TMEM18: variants seen among roughly 807,000 people sequenced by gnomAD.
The protein encoded by TMEM18 is transmembrane protein 18.
In TMEM18, 14 loss-of-function variants were observed where a neutral mutation model predicts 17.4. The ratio of observed to expected loss-of-function variants is 0.80; its 90% CI spans 0.53 to 1.25. The LOEUF is 1.25. TMEM18 is among the 50% of genes most tolerant of loss of function. The probability of loss-of-function intolerance (pLI) is 0.00; values close to 1 mark genes in which losing one functional copy is unlikely to be tolerated. For synonymous variants in TMEM18, 86 were observed against 66.1 expected, an observed-to-expected ratio of 1.30 and a Z score of -1.46; for missense variants, 187 against 172.1, an observed-to-expected ratio of 1.09 and a Z score of -0.48.
At position 667,423 on chromosome 2, in the gene TMEM18, C is replaced by A. The variant is rs1342945776; in HGVS notation, c.*2157G>T. ...TGTGAAAAATAATTTTGATCCCAAA[C>A]CTCCTTTCCTGTACTTTATCAGTAG... On this transcript the variant is annotated 3_prime_UTR_variant, in exon 5 of 5. Coordinates refer to ENST00000281017, the MANE Select transcript of TMEM18 (RefSeq NM_152834.4). 1 of 152,118 alleles carries A rather than the reference C, an allele frequency of 6.6e-6. No individual in the cohort carries two copies. Among genetic ancestry groups the A allele is most frequent in the East Asian group, 1.9e-4 (1 of 5,198 alleles). 9.4% of individuals were successfully genotyped at this position (152,118 alleles called of 1,614,324 possible). A position where few individuals can be genotyped will look rare whatever the true frequency, so the allele number is the denominator to read the frequency against.
intron 1 of TMEM18, chr2:676,029 G>A (rs1475006684): frequency 1.3e-5 from 17 of 1,311,222 alleles, no homozygotes; most frequent in Non-Finnish European, 1.7e-5. Flanking sequence ...AAATTAAGAC[G>A]ATTGCTCAAA....
intron 1 of TMEM18, chr2:676,231 T>C: frequency 7.1e-7 from 1 of 1,403,692 alleles, no homozygotes; most frequent in South Asian, 1.2e-5. Context: ...CCCGGGACCC[T>C]GCTGTACCTG....
In TMEM18 at chr2:669,599, C is replaced by A; in HGVS notation, c.404G>T (p.Arg135Met). The change falls in exon 5 of 5, where the codon AGG (arginine) becomes ATG (methionine). Residue 135 changes from arginine (R) to methionine (M), a missense_variant. By Grantham distance (91) the Arg-to-Met change is moderately conservative (BLOSUM62 -1). Coordinates refer to ENST00000281017, the MANE Select transcript of TMEM18 (RefSeq NM_152834.4). ...NAQERRKEKK[R>M]RRKED ...TGCCCCTCAGTCTTCTTTCCTTCTC[C>A]TTTTCTTTTCCTTTCTTCTCTCTTG... 2 of 1,614,216 alleles carry A rather than the reference C, an allele frequency of 1.2e-6. No individual in the cohort carries two copies. Among genetic ancestry groups the A allele is most frequent in the Non-Finnish European group, 1.7e-6 (2 of 1,180,032 alleles).
intron 2 of TMEM18, among the ~76,000 whole-genome samples, chr2:673,842 C>T (rs750880711): frequency 9.4e-5 from 14 of 149,408 alleles, no homozygotes; most frequent in Admixed American, 2.0e-4. Context: ...GGTAGGCTAA[C>T]ACAGGAGGTG....
rs1220004621 is a variant in TMEM18, at chr2:669,717, T to C, written c.327+40A>G. ...GAGACATGTTTAGATTTGAAAAACA[T>C]ACACATGAAGAAAGACAACTGAAAG... On this transcript the variant is annotated intron_variant, in intron 4 of 4. Transcript: ENST00000281017. 5.6e-6 allele frequency: 9 copies of C among 1,613,856 alleles called. No individual in the cohort carries two copies. The Admixed American group carries it at 1.0e-4, about 18-fold the overall frequency.
chr2:674,459 T>C (rs1477034297), intron 2 of TMEM18, among the ~76,000 whole-genome samples: 1 of 152,192 alleles, frequency 6.6e-6, no homozygotes, highest in Non-Finnish European at 1.5e-5. Flanking sequence ...GGCTTTTCCA[T>C]TGCAACACTT....
chr2:674,850 C>T (rs1400953513), intron 2 of TMEM18, among the ~76,000 whole-genome samples: 2 of 152,378 alleles, frequency 1.3e-5, no homozygotes, highest in East Asian at 1.9e-4. Context: ...GTGTTCGTAA[C>T]GCTCAGCATC....
intron 1 of TMEM18, chr2:676,206 C>T: frequency 7.3e-7 from 1 of 1,375,502 alleles, no homozygotes. Flanking sequence ...CCGCACTCCG[C>T]CGCCTCCTGG....
Position 669,124 on chromosome 2 carries a change from T to C in TMEM18, c.*456A>G, listed in dbSNP as rs1160390652. 6.5e-6 allele frequency: 1 copy of C among 154,920 alleles called. No individual in the cohort carries two copies. Among genetic ancestry groups the C allele is most frequent in the South Asian group, 2.0e-4 (1 of 4,980 alleles). 9.6% of individuals were successfully genotyped at this position (154,920 alleles called of 1,614,324 possible). The stretch of plus-strand genomic sequence containing the variant: ...CCAGGTGTCTCCAAACTTTGCCCCA[T>C]GTCTTGGAAGGTGAAAACACCCTCT... On this transcript the variant is annotated 3_prime_UTR_variant, in exon 5 of 5. Coordinates refer to ENST00000281017, the MANE Select transcript of TMEM18 (RefSeq NM_152834.4).
chr2:675,188 T>C (rs954012662), intron 2 of TMEM18, among the ~76,000 whole-genome samples: 13 of 152,220 alleles, frequency 8.5e-5, no homozygotes, highest in African/African-American at 2.9e-4. Flanking sequence ...AAGCAGTGCA[T>C]GAGCACAGCT....
rs1678978449 is a variant in TMEM18 at position 675,575 on chromosome 2, C to A, written c.113G>T (p.Cys38Phe). 6.2e-7 allele frequency: 1 copy of A among 1,614,106 alleles called. No homozygotes were observed. Among genetic ancestry groups the A allele is most frequent in the Non-Finnish European group, 8.5e-7 (1 of 1,180,056 alleles). Residue 38 changes from cysteine to phenylalanine, a missense_variant, in exon 2 of 5, where the codon TGC (cysteine) becomes TTC (phenylalanine). Cys to Phe is a radical substitution (Grantham distance 205, BLOSUM62 -2). Transcript: ENST00000281017. Reference protein sequence around the residue: ...LMGLATFHALCVLLTCLSSRS... With the variant: ...LMGLATFHALFVLLTCLSSRS... The stretch of plus-strand genomic sequence containing the variant: ...GGAGGACAAGCAGGTGAGGAGCACG[C>A]AGAGCGCGTGGAAGGTGGCCAGCCC...
At chr2:676,786 G>T (rs2103095898) in intron 1 of TMEM18, 2 of 772,238 alleles carry the variant, frequency 2.6e-6, no homozygotes, top group East Asian at 2.7e-5. Context: ...CCGCCGCACT[G>T]CCAGAATCCG....
rs1659285553 is a variant in TMEM18 at position 677,270 on chromosome 2, T to C, written c.57+19A>G. On this transcript the variant is annotated intron_variant, in intron 1 of 4. Transcript: ENST00000281017. ...CGCCGTCCTCCCCCGAACTGGTGGTTACGCGGGCCGCGAGTTACCGTGAGC... is the reference window on the plus strand; with the variant it reads ...CGCCGTCCTCCCCCGAACTGGTGGTCACGCGGGCCGCGAGTTACCGTGAGC... 6.2e-7 allele frequency: 1 copy of C among 1,607,776 alleles called. No homozygotes were observed. Among genetic ancestry groups the C allele is most frequent in the African/African-American group, 1.3e-5 (1 of 75,042 alleles).
At chr2:677,255 C>A (rs1393812788) in intron 1 of TMEM18, 34 bp downstream of exon 1, 2 of 1,600,500 alleles carry the variant, frequency 1.2e-6, no homozygotes, top group South Asian at 2.3e-5. Flanking sequence ...CGCCGTCCTC[C>A]CCCGAACTGG....
At chr2:673,796 G>GT (rs1678922554) in intron 2 of TMEM18, among the ~76,000 whole-genome samples, 1 of 151,048 alleles carries the variant, frequency 6.6e-6, no homozygotes, top group African/African-American at 2.4e-5. Context: ...GAAGGAGGAG[G>GT]GCCAGGAGAA....
intron 2 of TMEM18, among the ~76,000 whole-genome samples, chr2:673,373 G>A (rs1678909181): frequency 6.6e-6 from 1 of 151,932 alleles, no homozygotes; most frequent in South Asian, 2.1e-4. Context: ...GCACGGGAGG[G>A]AGGGCAGCAG....
chr2:675,837 G>A (rs1032801435), intron 1 of TMEM18: 1 of 1,521,088 alleles, frequency 6.6e-7, no homozygotes, highest in Non-Finnish European at 8.8e-7. Context: ...GATGGAAACA[G>A]GATTCTCCCC....
Position 669,742 on chromosome 2 carries a change from G to A in TMEM18, c.327+15C>T, listed in dbSNP as rs1678788545. The stretch of plus-strand genomic sequence containing the variant: ...TACACATGAAGAAAGACAACTGAAA[G>A]TGTCATCTACGTACCACAATGATCA... On this transcript the variant is annotated intron_variant, in intron 4 of 4. Transcript: ENST00000281017. 1.9e-6 allele frequency: 3 copies of A among 1,613,750 alleles called. No individual in the cohort carries two copies. Among genetic ancestry groups the A allele is most frequent in the African/African-American group, 2.7e-5 (2 of 74,910 alleles).
chr2:677,195 C>T lies in TMEM18; in HGVS notation c.57+94G>A. The T allele has an allele frequency of 2.0e-6, 3 of 1,478,840 alleles. No individual in the cohort carries two copies. In the East Asian group the frequency reaches 7.3e-5, roughly 36 times the overall value. The allele number at this position is 1,478,840 out of a possible 1,614,324, so 91.6% of individuals were successfully genotyped here. ...CACAAGGCCCCGCCCACGGCCGGGG[C>T]CTTCTTGGCCACAGGCCGGGTGCTC... On this transcript the variant is annotated intron_variant, in intron 1 of 4. Transcript: ENST00000281017.
Sources: allele counts gnomAD v4.1 joint callset (sites outside exome capture counted in the v4.1 genomes callset), GRCh38; gene constraint gnomAD v4.1.1; transcripts MANE v1.5; gene names NCBI Gene and HGNC (gene_info 2026-07-23, HGNC 2026-07-21).